CRISPLD1: variants seen among roughly 807,000 people sequenced by gnomAD.
The protein encoded by CRISPLD1 is cysteine rich secretory protein LCCL domain containing 1, also known as cysteine-rich secretory protein LCCL domain-containing 1.
In CRISPLD1, 60 loss-of-function variants were observed where a neutral mutation model predicts 77.5. That is an observed-to-expected ratio of 0.77 (90% confidence interval 0.63 to 0.96). The LOEUF is 0.96. Ranked by LOEUF, CRISPLD1 falls within the 40% of genes least tolerant of loss-of-function variation. CRISPLD1 has a pLI of 0.00. For missense variants in CRISPLD1, 623 were observed against 615.8 expected, an observed-to-expected ratio of 1.01 and a Z score of -0.12; for synonymous variants, 195 against 200.1, an observed-to-expected ratio of 0.97 and a Z score of 0.22.
rs1479208991 is a variant in CRISPLD1 at position 74,984,815 on chromosome 8, G to A, written c.-168G>A. 1.3e-5 allele frequency: 2 copies of A among 152,240 alleles called. No homozygotes were observed. The highest frequency in any genetic ancestry group is 3.9e-4 in the East Asian group (2 of 5,182). The allele number at this position is 152,240 out of a possible 1,614,324, so 9.4% of individuals were successfully genotyped here. On this transcript the variant is annotated 5_prime_UTR_variant, in exon 1 of 15. Coordinates refer to ENST00000262207, the MANE Select transcript of CRISPLD1 (RefSeq NM_031461.6). ...CGGACGCTCGGTGCTCAGGCCCTTC[G>A]CGAGCGGGGCTCTCCGTCTGCGGTC...
chr8:74,992,356 G>C (rs1027926383), intron 2 of CRISPLD1, among the ~76,000 whole-genome samples: 2 of 152,028 alleles, frequency 1.3e-5, no homozygotes, highest in Non-Finnish European at 2.9e-5. Context: ...CTATAACATA[G>C]AGCTACTAAA....
At chr8:75,022,188 A>C (rs1813147213) in intron 12 of CRISPLD1, among the ~76,000 whole-genome samples, 1 of 152,224 alleles carries the variant, frequency 6.6e-6, no homozygotes, top group Non-Finnish European at 1.5e-5. Flanking sequence ...ATCCATAGAA[A>C]TGACAATTTA....
At chr8:75,027,874 A>G (rs1207902702) in intron 13 of CRISPLD1, among the ~76,000 whole-genome samples, 1 of 152,152 alleles carries the variant, frequency 6.6e-6, no homozygotes, top group Non-Finnish European at 1.5e-5. Flanking sequence ...ATTTTTACAG[A>G]TAATTCTTTT....
chr8:75,012,902 G>A lies in CRISPLD1; in HGVS notation c.390G>A (p.Pro130=), dbSNP rs369100451. ...TTCTTTCTAATAGATATAGGCCCCC[G>A]ACGTTTCATGTACAATCGTGGTATG... ...LGAHWGRYRP[P]TFHVQSWYDE... is the part of the protein sequence containing the mutation. The change falls in exon 4 of 15, where the codon CCG becomes CCA. Residue 130 remains proline, a synonymous_variant. Coordinates refer to ENST00000262207, the MANE Select transcript of CRISPLD1 (RefSeq NM_031461.6). 46 of 1,611,022 alleles carry A rather than the reference G, an allele frequency of 2.9e-5. No homozygotes were observed. The highest frequency in any genetic ancestry group is 1.7e-4 in the Middle Eastern group (1 of 6,054).
chr8:75,001,455 T>G (rs1812739903), intron 2 of CRISPLD1, among the ~76,000 whole-genome samples: 1 of 152,184 alleles, frequency 6.6e-6, no homozygotes, highest in African/African-American at 2.4e-5. Flanking sequence ...TGAACTGTTT[T>G]CAAGATGTAA....
chr8:75,007,176 A>G (rs1209602497), intron 2 of CRISPLD1, among the ~76,000 whole-genome samples: 3 of 152,174 alleles, frequency 2.0e-5, no homozygotes, highest in Non-Finnish European at 2.9e-5. Context: ...GCCCCAGGAA[A>G]TGAATTTTCA....
intron 10 of CRISPLD1, among the ~76,000 whole-genome samples, chr8:75,018,672 T>A (rs1431275940): frequency 2.0e-5 from 3 of 152,070 alleles, no homozygotes; most frequent in Non-Finnish European, 4.4e-5. Context: ...AAATTTTTTT[T>A]AAAGACAGTC....
intron 13 of CRISPLD1, chr8:75,026,499 GA>G (rs1354361862): frequency 1.3e-5 from 2 of 152,242 alleles, no homozygotes; most frequent in Non-Finnish European, 2.9e-5. Flanking sequence ...CTAAGCTGCT[GA>G]AAATCGGAAC....
At chr8:75,024,617 G>T (rs558208753) in intron 12 of CRISPLD1, among the ~76,000 whole-genome samples, 1 of 152,120 alleles carries the variant, frequency 6.6e-6, no homozygotes, top group Non-Finnish European at 1.5e-5. Context: ...GAGCCACTGC[G>T]CCTGGCTGGA....
At chr8:75,012,826 C>A in intron 3 of CRISPLD1, 64 bp from the exon 4 acceptor site, 1 of 1,531,552 alleles carries the variant, frequency 6.5e-7, no homozygotes, top group South Asian at 1.2e-5. Context: ...ATGTATTTTG[C>A]AATATTTAGT....
intron 6 of CRISPLD1, 101 bp downstream of exon 6, chr8:75,015,013 A>G: frequency 1.6e-6 from 1 of 607,464 alleles, no homozygotes; most frequent in Non-Finnish European, 2.8e-6. Context: ...TAATGATCAC[A>G]CGAAAAGTAT....
intron 2 of CRISPLD1, chr8:75,000,440 T>C: frequency 1.0e-6 from 1 of 984,668 alleles, no homozygotes; most frequent in African/African-American, 1.7e-5. Context: ...TACAAAGCAG[T>C]GCTATCTCAC....
chr8:75,004,279 G>A (rs1250264877), intron 2 of CRISPLD1, among the ~76,000 whole-genome samples: 5 of 152,088 alleles, frequency 3.3e-5, no homozygotes, highest in African/African-American at 1.2e-4. Flanking sequence ...TATTCAGAAT[G>A]GGTGAAGCAC....
rs748754818 is a variant in CRISPLD1 at position 75,032,267 on chromosome 8, T to G, written c.*25T>G. The G allele has an allele frequency of 3.2e-6, 5 of 1,549,398 alleles. No homozygotes were observed. The highest frequency in any genetic ancestry group is 1.7e-5 in the Admixed American group (1 of 58,442). Reference sequence around the variant, plus strand: ...AAACTGAATACTTGGAAGAGGACCATAAAGACTATTCCAAATGCAATATTT... The same window carrying G: ...AAACTGAATACTTGGAAGAGGACCAGAAAGACTATTCCAAATGCAATATTT... On this transcript the variant is annotated 3_prime_UTR_variant, in exon 15 of 15. Coordinates refer to ENST00000262207, the MANE Select transcript of CRISPLD1 (RefSeq NM_031461.6).
intron 2 of CRISPLD1, among the ~76,000 whole-genome samples, chr8:75,006,344 A>C (rs1812830660): frequency 6.6e-6 from 1 of 152,190 alleles, no homozygotes; most frequent in Admixed American, 6.5e-5. Flanking sequence ...CAGTTTTGCA[A>C]AAAGTTGTAC....
Position 74,996,769 on chromosome 8 carries a change from A to G in CRISPLD1, c.258+10524A>G, listed in dbSNP as rs950554428. Reference sequence around the variant, plus strand: ...GATCTTGCTCTGTCACCCAGGCTGTAGTGCAGTGGCGCAATGATGGCTCAC... The same window carrying G: ...GATCTTGCTCTGTCACCCAGGCTGTGGTGCAGTGGCGCAATGATGGCTCAC... On this transcript the variant is annotated intron_variant, in intron 2 of 14. Coordinates refer to ENST00000262207, the MANE Select transcript of CRISPLD1 (RefSeq NM_031461.6). 4.4e-5 allele frequency among the ~76,000 whole-genome samples: 5 copies of G among 114,068 alleles called. No individual in the cohort carries two copies. The South Asian group carries it at 1.5e-3, about 35-fold the overall frequency. The allele number at this position is 114,068 out of a possible 152,430, so 74.8% of individuals were successfully genotyped here.
intron 2 of CRISPLD1, among the ~76,000 whole-genome samples, chr8:75,004,009 T>C (rs1812788432): frequency 6.6e-6 from 1 of 152,292 alleles, no homozygotes; most frequent in South Asian, 2.1e-4. Context: ...ACAAAAGTTA[T>C]TTTAATTTTA....
At chr8:74,992,841 A>G (rs995062619) in intron 2 of CRISPLD1, among the ~76,000 whole-genome samples, 11 of 151,170 alleles carry the variant, frequency 7.3e-5, no homozygotes. Flanking sequence ...GATGCAAACA[A>G]TGTCTTGGTT....
At chr8:75,000,108 T>C (rs1812713105) in intron 2 of CRISPLD1, 1 of 982,486 alleles carries the variant, frequency 1.0e-6, no homozygotes, top group Non-Finnish European at 1.2e-6. Context: ...GTTTCTGGAA[T>C]GTCCCCTGTA....
Sources: allele counts gnomAD v4.1 joint callset (sites outside exome capture counted in the v4.1 genomes callset), GRCh38; gene constraint gnomAD v4.1.1; transcripts MANE v1.5; gene names NCBI Gene and HGNC (gene_info 2026-07-23, HGNC 2026-07-21).